Variants in PAK3 observed in about 807,000 individuals in gnomAD.
The protein encoded by PAK3 is p21 (RAC1) activated kinase 3.
PAK3 carries 4 observed loss-of-function variants against 41.0 expected under a neutral mutation model. That is an observed-to-expected ratio of 0.10 (90% CI 0.05 to 0.22). The LOEUF (loss-of-function observed/expected upper bound fraction) is 0.22. Among genes scored for constraint, PAK3 ranks in the 10% least tolerant of loss-of-function variants. The probability of loss-of-function intolerance (pLI) is 1.00; values close to 1 mark genes in which losing one functional copy is unlikely to be tolerated. For synonymous variants in PAK3, 146 were observed against 139.6 expected, an observed-to-expected ratio of 1.05 and a Z score of -0.32; for missense variants, 205 against 409.9, an observed-to-expected ratio of 0.50 and a Z score of 4.32.
chrX:111,071,207 T>C (rs955832196), intron 1 of PAK3, among the ~76,000 whole-genome samples: 3 of 112,051 alleles, frequency 2.7e-5, no homozygotes, highest in African/African-American at 9.7e-5. Flanking sequence ...AGCTGGATGC[T>C]AAAACTGTTT....
At chrX:111,101,110 CATG>C (rs1364277667) in intron 3 of PAK3, among the ~76,000 whole-genome samples, 1 of 112,145 alleles carries the variant, frequency 8.9e-6, no homozygotes, top group East Asian at 2.8e-4. Flanking sequence ...ACGTATACAA[CATG>C]ATATTAACAG....
At chrX:111,034,609 C>T (rs1329953195) in intron 1 of PAK3, among the ~76,000 whole-genome samples, 1 of 111,477 alleles carries the variant, frequency 9.0e-6, no homozygotes. Flanking sequence ...TGGTCTTTTC[C>T]CCATGACAAC....
At chrX:111,122,548 A>G (rs374997600) in intron 4 of PAK3, among the ~76,000 whole-genome samples, 81 of 111,123 alleles carry the variant, frequency 7.3e-4, no homozygotes, top group African/African-American at 2.5e-3. Flanking sequence ...TCGGTTAATT[A>G]TCATAAAAAC....
intron 6 of PAK3, 44 bp downstream of exon 6, chrX:111,142,240 C>T: frequency 1.3e-6 from 1 of 756,450 alleles, no homozygotes; most frequent in Non-Finnish European, 2.1e-6. Flanking sequence ...CGAAAGAATT[C>T]CTTTGTGAAA....
At chrX:111,006,852 T>TC (rs1265819390) in intron 1 of PAK3, among the ~76,000 whole-genome samples, 24 of 84,621 alleles carry the variant, frequency 2.8e-4, no homozygotes, top group Admixed American at 5.6e-4. Flanking sequence ...TTTCTTTCTT[T>TC]TTTTTTTTTT....
At chrX:111,091,960 AC>A (rs1465141683), upstream of PAK3, among the ~76,000 whole-genome samples, 1 of 111,787 alleles carries the variant, frequency 8.9e-6, no homozygotes, top group East Asian at 2.8e-4. Context: ...ACTACTGGGA[AC>A]AACTTCTGGC....
At chrX:111,048,388 A>G (rs1025131222) in intron 1 of PAK3, among the ~76,000 whole-genome samples, 2 of 111,600 alleles carry the variant, frequency 1.8e-5, no homozygotes, top group African/African-American at 3.3e-5. Context: ...GATGATGCTC[A>G]TATTCATATC....
At chrX:111,220,223 C>A (rs1322948757) in intron 17 of PAK3, 135 bp from the exon 18 acceptor site, 2 of 504,140 alleles carry the variant, frequency 4.0e-6, no homozygotes, top group Non-Finnish European at 7.1e-6. Context: ...AAAGCTGGCA[C>A]CGTTTTTAAT....
At chrX:111,084,095 C>T (rs2092859007) in intron 1 of PAK3, among the ~76,000 whole-genome samples, 1 of 112,890 alleles carries the variant, frequency 8.9e-6, no homozygotes, top group Non-Finnish European at 1.9e-5. Context: ...AATTACTTTG[C>T]ATTTCTTGCG....
Position 111,207,111 on chromosome X carries a change from C to CATATACATATATGTATGTGTGT in PAK3, c.1408-9305_1408-9304insCATATATGTATGTGTGTATATA, listed in dbSNP as rs2094760019. ...GTGTGTGTGTGTGTATATATATATA[C>CATATACATATATGTATGTGTGT]ATATATACATATACATATATGTATG... On this transcript the variant is annotated intron_variant, in intron 16 of 17. Transcript: ENST00000372007. Among the ~76,000 whole-genome samples, 3 of 96,600 alleles carry CATATACATATATGTATGTGTGT rather than the reference C, an allele frequency of 3.1e-5. No homozygotes were observed. In the Admixed American group the frequency reaches 3.3e-4, roughly 11 times the overall value. The allele number at this position is 96,600 out of a possible 115,157, so 83.9% of individuals were successfully genotyped here. A position where few individuals can be genotyped will look rare whatever the true frequency, so the allele number is the denominator to read the frequency against.
upstream of PAK3, among the ~76,000 whole-genome samples, chrX:111,094,055 G>GA (rs1334228437): frequency 3.7e-5 from 4 of 108,112 alleles, no homozygotes; most frequent in Non-Finnish European, 5.7e-5. Context: ...CCATGGTGTA[G>GA]AAAAAAACCA....
At chrX:111,214,487 T>C (rs1205713710) in intron 16 of PAK3, among the ~76,000 whole-genome samples, 1 of 112,136 alleles carries the variant, frequency 8.9e-6, no homozygotes, top group Non-Finnish European at 1.9e-5. Context: ...ATTGCTTAAT[T>C]ACTTGGGTGG....
chrX:111,192,778 C>T (rs1242293945), intron 13 of PAK3, among the ~76,000 whole-genome samples, 160 bp downstream of exon 13: 1 of 112,398 alleles, frequency 8.9e-6, no homozygotes, highest in African/African-American at 3.2e-5. Flanking sequence ...CTTGCACTCA[C>T]TTAGCTTTGT....
intron 4 of PAK3, among the ~76,000 whole-genome samples, chrX:111,117,270 T>C (rs1167414192): frequency 9.0e-6 from 1 of 110,861 alleles, no homozygotes; most frequent in African/African-American, 3.3e-5. Context: ...ATATGAAGAG[T>C]GTGTTTGTGG....
chrX:111,137,943 A>T (rs756060190), intron 5 of PAK3, among the ~76,000 whole-genome samples: 8 of 111,935 alleles, frequency 7.1e-5, no homozygotes, highest in Admixed American at 3.8e-4. Context: ...TTGCAGGGTG[A>T]TACAGACATT....
intron 1 of PAK3, among the ~76,000 whole-genome samples, chrX:111,014,497 G>A (rs2092059508): frequency 9.0e-6 from 1 of 111,604 alleles, no homozygotes; most frequent in Admixed American, 9.5e-5. Flanking sequence ...TGGTCCTCAG[G>A]GAACACAGTG....
At chrX:111,098,650 A>G (rs2093056542) in intron 3 of PAK3, 1 of 110,348 alleles carries the variant, frequency 9.1e-6, no homozygotes, top group African/African-American at 3.3e-5. Flanking sequence ...GGGTAAGGAG[A>G]GGGCAGTGGG....
At chrX:111,094,234 T>A (rs765508943), upstream of PAK3, among the ~76,000 whole-genome samples, 261 of 111,699 alleles carry the variant, frequency 2.3e-3, 1 homozygote, top group African/African-American at 7.8e-3. Flanking sequence ...AAGCTATTTT[T>A]AAAAATGCCT....
At chrX:111,132,156 C>A (rs778696785) in intron 5 of PAK3, among the ~76,000 whole-genome samples, 1 of 110,763 alleles carries the variant, frequency 9.0e-6, no homozygotes, top group Non-Finnish European at 1.9e-5. Context: ...CCACCGAAAG[C>A]ATCTATCATC....
Sources: gnomAD v4.1 joint callset for allele counts (sites outside exome capture counted in the v4.1 genomes callset) on GRCh38, gnomAD v4.1.1 for gene constraint, MANE v1.5 for transcripts, NCBI Gene and HGNC (gene_info 2026-07-23, HGNC 2026-07-21) for gene names.